Variants in TBC1D22A observed in about 807,000 individuals in gnomAD.
The protein encoded by TBC1D22A is TBC1 domain family member 22A.
TBC1D22A carries 38 observed loss-of-function variants against 60.2 expected under a neutral mutation model. The observed-to-expected ratio is 0.63, with a 90% CI of 0.49 to 0.83. TBC1D22A has a LOEUF of 0.83. TBC1D22A is among the 40% of genes least tolerant of loss of function. The pLI, the probability that TBC1D22A is intolerant of heterozygous loss-of-function variation, is 0.00. For missense variants in TBC1D22A, 628 were observed against 701.0 expected (o/e 0.90, Z 1.18); for synonymous variants, 302 against 281.7 (o/e 1.07, Z -0.72).
chr22:46,850,506 G>GA (rs1262703826), intron 4 of TBC1D22A, among the ~76,000 whole-genome samples: 2 of 151,700 alleles, frequency 1.3e-5, no homozygotes, highest in Admixed American at 1.3e-4. Flanking sequence ...AGACCAAAAA[G>GA]AAAAAAAAGA....
At chr22:46,927,740 A>G (rs182699583) in intron 8 of TBC1D22A, among the ~76,000 whole-genome samples, 1 of 152,370 alleles carries the variant, frequency 6.6e-6, no homozygotes, top group Non-Finnish European at 1.5e-5. Flanking sequence ...TCAGGTTTGT[A>G]GGATGCAAGA....
At chr22:46,877,226 G>A (rs758798160) in intron 4 of TBC1D22A, among the ~76,000 whole-genome samples, 4 of 152,214 alleles carry the variant, frequency 2.6e-5, no homozygotes, top group Non-Finnish European at 5.9e-5. Context: ...ACACAAGCTT[G>A]TTTTGAGGAT....
chr22:47,041,300 G>A (rs1412730522), intron 11 of TBC1D22A, among the ~76,000 whole-genome samples: 1 of 152,218 alleles, frequency 6.6e-6, no homozygotes, highest in African/African-American at 2.4e-5. Flanking sequence ...GTAAATTGCA[G>A]GGGATGAAAG....
Position 46,898,089 on chromosome 22 carries a change from G to A in TBC1D22A, c.900+3243G>A, listed in dbSNP as rs149433261. 6.0e-4 allele frequency among the ~76,000 whole-genome samples: 91 copies of A among 152,184 alleles called. No individual in the cohort carries two copies. The East Asian group carries it at 0.016, about 27-fold the overall frequency. Reference sequence around the variant, plus strand: ...TTGTTATAACCTCCTTTTTACTTACGATTTTAAAAATGGGAAATAGAGCCT... The same window carrying A: ...TTGTTATAACCTCCTTTTTACTTACAATTTTAAAAATGGGAAATAGAGCCT... On this transcript the variant is annotated intron_variant, in intron 7 of 12. Coordinates refer to ENST00000337137, the MANE Select transcript of TBC1D22A (RefSeq NM_014346.5).
At chr22:47,000,009 A>G (rs535926407) in intron 10 of TBC1D22A, among the ~76,000 whole-genome samples, 3 of 152,218 alleles carry the variant, frequency 2.0e-5, no homozygotes, top group Admixed American at 6.5e-5. Context: ...TGGGTGACAG[A>G]GCGAGACTCC....
At chr22:47,112,169 T>G (rs1225381482) in intron 12 of TBC1D22A, among the ~76,000 whole-genome samples, 1 of 152,206 alleles carries the variant, frequency 6.6e-6, no homozygotes. Context: ...TGTGGACTAG[T>G]GTCCAGCCCC....
intron 4 of TBC1D22A, among the ~76,000 whole-genome samples, chr22:46,820,986 T>C (rs2085802109): frequency 6.6e-6 from 1 of 152,160 alleles, no homozygotes; most frequent in South Asian, 2.1e-4. Flanking sequence ...GTAATGCCCT[T>C]CTTTGTCTTT....
intron 4 of TBC1D22A, among the ~76,000 whole-genome samples, chr22:46,830,267 A>T (rs547421015): frequency 6.6e-6 from 1 of 152,318 alleles, no homozygotes; most frequent in Admixed American, 6.5e-5. Context: ...CAGGCCTGAG[A>T]GTGACTGCTC....
In TBC1D22A at chr22:46,940,432, G is replaced by C. The variant is rs1037167426; in HGVS notation, c.1015+28244G>C. The stretch of plus-strand genomic sequence containing the variant: ...TATATACACAGTCCACCCTTGAACA[G>C]CATGGGGACTGGGGCACTAGAATAT... On this transcript the variant is annotated intron_variant, in intron 8 of 12. Transcript: ENST00000337137. Among the ~76,000 whole-genome samples the C allele has an allele frequency of 7.3e-5, 11 of 151,130 alleles. No homozygotes were observed. In the East Asian group the frequency reaches 2.1e-3, roughly 29 times the overall value.
At chr22:46,953,774 A>G (rs1009726850) in intron 8 of TBC1D22A, among the ~76,000 whole-genome samples, 2 of 152,184 alleles carry the variant, frequency 1.3e-5, no homozygotes, top group African/African-American at 2.4e-5. Flanking sequence ...AATTCTGTCA[A>G]AGTTAGCCAA....
At chr22:47,063,790 A>T (rs553695442) in intron 11 of TBC1D22A, among the ~76,000 whole-genome samples, 2 of 152,140 alleles carry the variant, frequency 1.3e-5, no homozygotes, top group Admixed American at 6.5e-5. Context: ...TCCCGCCTCC[A>T]TGTGTTACCA....
intron 11 of TBC1D22A, among the ~76,000 whole-genome samples, chr22:47,062,054 C>G (rs1239060388): frequency 7.2e-6 from 1 of 139,294 alleles, no homozygotes; most frequent in African/African-American, 2.8e-5. Context: ...CTCTGCTGCA[C>G]TCCAGCCTGG....
intron 4 of TBC1D22A, among the ~76,000 whole-genome samples, chr22:46,876,048 G>A (rs1484181088): frequency 6.6e-6 from 1 of 152,160 alleles, no homozygotes; most frequent in Non-Finnish European, 1.5e-5. Flanking sequence ...CTTGCGATGG[G>A]CCCTGAGAGC....
At chr22:46,870,416 A>C (rs2067246914) in intron 4 of TBC1D22A, among the ~76,000 whole-genome samples, 1 of 152,230 alleles carries the variant, frequency 6.6e-6, no homozygotes, top group African/African-American at 2.4e-5. Flanking sequence ...CAGAAAGGAA[A>C]TCCACTGTTG....
chr22:46,800,353 C>T (rs2084843413), intron 4 of TBC1D22A, among the ~76,000 whole-genome samples: 2 of 152,124 alleles, frequency 1.3e-5, no homozygotes, highest in South Asian at 4.1e-4. Flanking sequence ...CCCACCAAGA[C>T]AGGAGATAAA....
intron 4 of TBC1D22A, among the ~76,000 whole-genome samples, chr22:46,845,902 G>A (rs1339366333): frequency 6.6e-6 from 1 of 152,246 alleles, no homozygotes; most frequent in Non-Finnish European, 1.5e-5. Flanking sequence ...GCGGCGAGCC[G>A]ATTCCAGGAG....
intron 4 of TBC1D22A, among the ~76,000 whole-genome samples, chr22:46,832,907 G>A (rs1268252973): frequency 6.6e-6 from 1 of 152,164 alleles, no homozygotes; most frequent in Non-Finnish European, 1.5e-5. Flanking sequence ...GATAGAACAG[G>A]GACAGGGAAG....
At chr22:46,868,972 C>T (rs2067181936) in intron 4 of TBC1D22A, among the ~76,000 whole-genome samples, 1 of 152,188 alleles carries the variant, frequency 6.6e-6, no homozygotes, top group African/African-American at 2.4e-5. Flanking sequence ...TGCTCCAACA[C>T]AGCCCTTTCT....
chr22:47,159,314 CAT>C (rs1044411957), intron 12 of TBC1D22A, among the ~76,000 whole-genome samples: 7 of 132,100 alleles, frequency 5.3e-5, no homozygotes, highest in Admixed American at 1.7e-4. Flanking sequence ...ACCATGTATA[CAT>C]ACACACACAT....
Sources: allele counts gnomAD v4.1 joint callset (sites outside exome capture counted in the v4.1 genomes callset), GRCh38; gene constraint gnomAD v4.1.1; transcripts MANE v1.5; gene names NCBI Gene and HGNC (gene_info 2026-07-23, HGNC 2026-07-21).